The following GALNTL6 variants were observed in gnomAD, a reference collection of about 807,000 sequenced individuals.
The protein encoded by GALNTL6 is polypeptide N-acetylgalactosaminyltransferase-like 6.
Under a neutral mutation model 73.7 loss-of-function variants are expected in GALNTL6, and 46 were observed. The ratio of observed to expected loss-of-function variants is 0.62; its 90% confidence interval spans 0.49 to 0.80. GALNTL6 has a LOEUF of 0.80. Among genes scored for constraint, GALNTL6 ranks in the 30% least tolerant of loss-of-function variants. The pLI, the probability that GALNTL6 is intolerant of heterozygous loss-of-function variation, is 0.00. For missense variants in GALNTL6, 604 were observed against 755.0 expected (o/e 0.80, Z 2.34); for synonymous variants, 259 against 263.7 (o/e 0.98, Z 0.17).
intron 4 of GALNTL6, among the ~76,000 whole-genome samples, chr4:172,315,531 A>G (rs1238141453): frequency 2.6e-5 from 4 of 152,262 alleles, no homozygotes; most frequent in Middle Eastern, 3.4e-3. Flanking sequence ...GGTTATAGGC[A>G]TGAGCCACTG....
chr4:171,896,554 G>T (rs1434453424), intron 2 of GALNTL6, among the ~76,000 whole-genome samples: 1 of 152,168 alleles, frequency 6.6e-6, no homozygotes, highest in African/African-American at 2.4e-5. Context: ...TGGCAGATTT[G>T]TTGTCTGGTA....
At chr4:172,801,458 A>G (rs572879894) in intron 5 of GALNTL6, among the ~76,000 whole-genome samples, 1 of 152,170 alleles carries the variant, frequency 6.6e-6, no homozygotes, top group Non-Finnish European at 1.5e-5. Flanking sequence ...TTCTTTATGC[A>G]TGGTGGCACC....
chr4:172,582,099 A>G (rs1264166382), intron 5 of GALNTL6, among the ~76,000 whole-genome samples: 1 of 152,168 alleles, frequency 6.6e-6, no homozygotes, highest in Non-Finnish European at 1.5e-5. Context: ...CTTGATTTAG[A>G]AAATTTGACC....
At position 171,922,473 on chromosome 4, in the gene GALNTL6, C is replaced by T. The variant is rs1188269680; in HGVS notation, c.138+107755C>T. On this transcript the variant is annotated intron_variant, in intron 2 of 12. Coordinates refer to ENST00000506823, the MANE Select transcript of GALNTL6 (RefSeq NM_001034845.3). ...AATCTGGTACTAATAAGAACATTAT[C>T]ACTAAATGTACTGGATAAGGGATTC... Among the ~76,000 whole-genome samples, 6 of 152,004 alleles carry T rather than the reference C, an allele frequency of 3.9e-5. No homozygotes were observed. The East Asian group carries it at 1.2e-3, about 29-fold the overall frequency.
In GALNTL6 at chr4:172,597,657, G is replaced by A. The variant is rs565694846; in HGVS notation, c.554-211704G>A. 3.3e-5 allele frequency among the ~76,000 whole-genome samples: 5 copies of A among 152,256 alleles called. No homozygotes were observed. In the East Asian group the frequency reaches 7.7e-4, roughly 24 times the overall value. ...GTGACTGACATTCCATATCCTTAGA[G>A]ACTTCATAATGAGAAAATCTCTACA... On this transcript the variant is annotated intron_variant, in intron 5 of 12. Transcript: ENST00000506823.
intron 2 of GALNTL6, among the ~76,000 whole-genome samples, chr4:172,121,673 G>T (rs2110999865): frequency 6.6e-6 from 1 of 152,206 alleles, no homozygotes; most frequent in Admixed American, 6.5e-5. Flanking sequence ...AGGTATGGAG[G>T]TAGTGGTTCT....
chr4:171,827,183 C>T (rs2110816327), intron 2 of GALNTL6, among the ~76,000 whole-genome samples: 1 of 152,128 alleles, frequency 6.6e-6, no homozygotes, highest in Non-Finnish European at 1.5e-5. Flanking sequence ...AGTGCATATG[C>T]CACAGCTATT....
At chr4:172,953,179 C>T (rs1476960133) in intron 10 of GALNTL6, among the ~76,000 whole-genome samples, 1 of 152,172 alleles carries the variant, frequency 6.6e-6, no homozygotes, top group African/African-American at 2.4e-5. Flanking sequence ...AGCTAAATAG[C>T]CCCAGGTCCC....
chr4:171,923,859 A>T (rs1737885356), intron 2 of GALNTL6, among the ~76,000 whole-genome samples: 1 of 144,404 alleles, frequency 6.9e-6, no homozygotes, highest in South Asian at 2.2e-4. Flanking sequence ...TTTTTATAAA[A>T]TTTTCAAAAA....
intron 5 of GALNTL6, among the ~76,000 whole-genome samples, chr4:172,469,282 C>T (rs1732952172): frequency 6.6e-6 from 1 of 152,020 alleles, no homozygotes; most frequent in African/African-American, 2.4e-5. Flanking sequence ...GAATCGCTGC[C>T]TTAACAAACA....
intron 5 of GALNTL6, among the ~76,000 whole-genome samples, chr4:172,745,101 T>A (rs1393421737): frequency 1.3e-5 from 2 of 151,760 alleles, no homozygotes; most frequent in East Asian, 3.9e-4. Flanking sequence ...TAGCCTTAAA[T>A]GAGAAAAAAG....
chr4:172,561,275 A>T (rs1479974791), intron 5 of GALNTL6, among the ~76,000 whole-genome samples: 2 of 151,006 alleles, frequency 1.3e-5, no homozygotes, highest in African/African-American at 2.4e-5. Flanking sequence ...AAAAAAAAAA[A>T]AAAAAAAAAA....
chr4:172,824,250 GTCTCTAGTCCTGAATTAC>G (rs1435899872), intron 7 of GALNTL6, among the ~76,000 whole-genome samples: 3 of 152,224 alleles, frequency 2.0e-5, no homozygotes, highest in South Asian at 2.1e-4. Context: ...TCAGCGAGCA[GTCTCTAGTCCTGAATTAC>G]TCTCTAGTCC....
intron 2 of GALNTL6, among the ~76,000 whole-genome samples, chr4:171,914,675 C>A (rs796575105): frequency 1.9e-4 from 28 of 151,000 alleles, no homozygotes; most frequent in African/African-American, 6.6e-4. Context: ...CTTGTCCTCC[C>A]AAATTGCTGG....
intron 2 of GALNTL6, among the ~76,000 whole-genome samples, chr4:172,163,909 AT>A (rs1256726053): frequency 6.6e-6 from 1 of 151,952 alleles, no homozygotes; most frequent in African/African-American, 2.4e-5. Context: ...TATAGGAGTA[AT>A]TTTTTTCAGT....
intron 8 of GALNTL6, among the ~76,000 whole-genome samples, chr4:172,917,583 G>T (rs558972713): frequency 1.3e-5 from 2 of 152,140 alleles, no homozygotes; most frequent in Non-Finnish European, 2.9e-5. Flanking sequence ...CAAAAAGTGG[G>T]CGAAAGACAT....
intron 5 of GALNTL6, among the ~76,000 whole-genome samples, chr4:172,649,022 A>AT (rs1740364545): frequency 6.6e-6 from 1 of 152,142 alleles, no homozygotes; most frequent in Admixed American, 6.6e-5. Flanking sequence ...ATAGTTAACA[A>AT]TTTTATTAGA....
At chr4:172,072,370 C>A (rs1579109789) in intron 2 of GALNTL6, among the ~76,000 whole-genome samples, 4 of 152,036 alleles carry the variant, frequency 2.6e-5, no homozygotes, top group Non-Finnish European at 5.9e-5. Context: ...TTTAATACTC[C>A]TTTCTTTAAA....
rs142913593 is a variant in GALNTL6, at chr4:172,146,040, C to G, written c.139-83616C>G. Among the ~76,000 whole-genome samples the G allele has an allele frequency of 2.4e-3, 367 of 152,310 alleles. 4 individuals carry two copies. Among genetic ancestry groups the G allele is most frequent in the Admixed American group, 8.8e-3 (135 of 15,296 alleles). ...TTGTACACAATGCTCTTGGCTATGA[C>G]TCCAGGTCAAAGAATATTTCTATCC... On this transcript the variant is annotated intron_variant, in intron 2 of 12. Transcript: ENST00000506823.
Sources: gnomAD v4.1 joint callset for allele counts (sites outside exome capture counted in the v4.1 genomes callset) on GRCh38, gnomAD v4.1.1 for gene constraint, MANE v1.5 for transcripts, NCBI Gene and HGNC (gene_info 2026-07-23, HGNC 2026-07-21) for gene names.